The following PRELID2 variants were observed in gnomAD, a reference collection of about 807,000 sequenced individuals.
PRELID2 encodes the protein PRELI domain containing 2.
A neutral mutation model predicts 28.4 loss-of-function variants in PRELID2; 25 were observed. The ratio of observed to expected loss-of-function variants is 0.88; its 90% CI spans 0.64 to 1.23. The LOEUF (loss-of-function observed/expected upper bound fraction) is 1.23. PRELID2 is among the 50% of genes most tolerant of loss of function. The probability of loss-of-function intolerance (pLI) is 0.00; values close to 1 mark genes in which losing one functional copy is unlikely to be tolerated. For missense variants in PRELID2, 201 were observed against 214.4 expected (o/e 0.94, Z 0.39); for synonymous variants, 76 against 71.6 (o/e 1.06, Z -0.31).
At chr5:145,711,421 G>A (rs1322416837) in intron 1 of PRELID2, among the ~76,000 whole-genome samples, 2 of 152,152 alleles carry the variant, frequency 1.3e-5, no homozygotes, top group Non-Finnish European at 2.9e-5. Context: ...GTGAAATGAG[G>A]AGGAAGCTGC....
At chr5:145,446,687 C>A in the PRELID2 span, among the ~76,000 whole-genome samples, 2 of 152,038 alleles carry the variant, frequency 1.3e-5, no homozygotes, top group South Asian at 2.1e-4. Context: ...TCTTCATGAG[C>A]CACATACCTG....
chr5:145,256,351 A>T, the PRELID2 span, among the ~76,000 whole-genome samples: 1 of 151,940 alleles, frequency 6.6e-6, no homozygotes, highest in East Asian at 1.9e-4. Flanking sequence ...CATTTTTGTC[A>T]TCTGAGTCAC....
chr5:145,359,819 G>A, the PRELID2 span, among the ~76,000 whole-genome samples: 1 of 152,150 alleles, frequency 6.6e-6, no homozygotes, highest in African/African-American at 2.4e-5. Flanking sequence ...AAGTATGCTT[G>A]CATGTTAAGT....
In PRELID2 at chr5:145,575,707, T is replaced by C. The variant is rs143419725; in HGVS notation, n.71-102392A>G. 6.9e-4 allele frequency among the ~76,000 whole-genome samples: 105 copies of C among 152,276 alleles called. No individual in the cohort carries two copies. The East Asian group carries it at 0.016, about 23-fold the overall frequency. Reference sequence around the variant, plus strand: ...ATATATTGAAAATAATCTATAAAAGTAGCCCTTCATTATTGGTCCCTGACT... The same window carrying C: ...ATATATTGAAAATAATCTATAAAAGCAGCCCTTCATTATTGGTCCCTGACT... On this transcript the variant is annotated intron_variant and non_coding_transcript_variant, in intron 1 of 2. Coordinates refer to the PRELID2 transcript ENST00000510259.
At chr5:145,296,909 T>C in the PRELID2 span, among the ~76,000 whole-genome samples, 6 of 152,190 alleles carry the variant, frequency 3.9e-5, no homozygotes, top group East Asian at 1.9e-4. Context: ...TGGTATCTCA[T>C]TGTGGTTTTG....
the PRELID2 span, among the ~76,000 whole-genome samples, chr5:145,302,598 T>C: frequency 1.3e-5 from 2 of 152,044 alleles, no homozygotes; most frequent in Non-Finnish European, 2.9e-5. Context: ...ATATTCTTTT[T>C]TATTTTAGTA....
chr5:145,310,021 A>G, the PRELID2 span, among the ~76,000 whole-genome samples: 1 of 152,336 alleles, frequency 6.6e-6, no homozygotes, highest in African/African-American at 2.4e-5. Context: ...AACATTTGAA[A>G]TCATAGACTA....
intron 1 of PRELID2, among the ~76,000 whole-genome samples, chr5:145,833,640 C>T (rs919601407): frequency 1.3e-5 from 2 of 152,152 alleles, no homozygotes; most frequent in Non-Finnish European, 2.9e-5. Context: ...CCTATAGCAA[C>T]AAAGTGTTAA....
chr5:145,769,981 C>T (rs1366231421), intron 5 of PRELID2, among the ~76,000 whole-genome samples: 1 of 152,072 alleles, frequency 6.6e-6, no homozygotes, highest in Non-Finnish European at 1.5e-5. Context: ...GATGGTGGTC[C>T]CACAGGACTG....
chr5:145,511,469 G>A (rs1225993528), intron 1 of PRELID2, among the ~76,000 whole-genome samples: 4 of 152,208 alleles, frequency 2.6e-5, no homozygotes, highest in Non-Finnish European at 4.4e-5. Flanking sequence ...TATTCACCAG[G>A]AAAGCATCTG....
the PRELID2 span, among the ~76,000 whole-genome samples, chr5:145,300,706 T>TC: frequency 6.6e-6 from 1 of 150,428 alleles, no homozygotes; most frequent in African/African-American, 2.4e-5. Flanking sequence ...TTTACTTTTT[T>TC]TTTTTTTTTT....
chr5:145,264,294 A>G, the PRELID2 span, among the ~76,000 whole-genome samples: 2 of 152,202 alleles, frequency 1.3e-5, no homozygotes, highest in African/African-American at 4.8e-5. Context: ...ATAATCTACC[A>G]TGATCAAGTA....
intron 1 of PRELID2, among the ~76,000 whole-genome samples, chr5:145,642,860 G>C (rs1280066235): frequency 6.6e-6 from 1 of 152,122 alleles, no homozygotes; most frequent in African/African-American, 2.4e-5. Flanking sequence ...CCTCTGTTCT[G>C]CTCCATCGGT....
chr5:145,637,941 G>C (rs1449349847), intron 1 of PRELID2, among the ~76,000 whole-genome samples: 2 of 151,428 alleles, frequency 1.3e-5, no homozygotes, highest in African/African-American at 4.9e-5. Context: ...CTCCCAAATA[G>C]CTGGGATTAC....
the PRELID2 span, among the ~76,000 whole-genome samples, chr5:145,345,788 T>G: frequency 6.6e-6 from 1 of 152,082 alleles, no homozygotes; most frequent in African/African-American, 2.4e-5. Context: ...TCAAGATTGA[T>G]GCAGATGCAA....
chr5:145,594,039 T>C (rs1200701782), intron 1 of PRELID2, among the ~76,000 whole-genome samples: 2 of 152,324 alleles, frequency 1.3e-5, no homozygotes, highest in South Asian at 2.1e-4. Flanking sequence ...TGAAATTGTA[T>C]GCATAGTATT....
chr5:145,432,362 C>T, the PRELID2 span, among the ~76,000 whole-genome samples: 2 of 148,866 alleles, frequency 1.3e-5, no homozygotes, highest in Non-Finnish European at 3.0e-5. Flanking sequence ...CTTCCCAATT[C>T]AGTCTTCTGA....
At chr5:145,831,246 C>T (rs541541343) in intron 1 of PRELID2, among the ~76,000 whole-genome samples, 2 of 152,324 alleles carry the variant, frequency 1.3e-5, no homozygotes, top group African/African-American at 2.4e-5. Flanking sequence ...AGGGCTTACA[C>T]AGTTGTGATG....
chr5:145,337,107 T>TATAATAATA, the PRELID2 span, among the ~76,000 whole-genome samples: 19 of 149,814 alleles, frequency 1.3e-4, no homozygotes, highest in African/African-American at 4.2e-4. Context: ...AAACTTGAAG[T>TATAATAATA]ATAATAATAA....
Sources: gnomAD v4.1 joint callset for allele counts (sites outside exome capture counted in the v4.1 genomes callset) on GRCh38, gnomAD v4.1.1 for gene constraint, MANE v1.5 for transcripts, NCBI Gene and HGNC (gene_info 2026-07-23, HGNC 2026-07-21) for gene names.